BRINP3: variants seen among roughly 807,000 people sequenced by gnomAD.
BRINP3 encodes BMP/retinoic acid inducible neural specific 3.
In BRINP3, 19 loss-of-function variants were observed where a neutral mutation model predicts 71.0. That is an observed-to-expected ratio of 0.27 (90% CI 0.19 to 0.39). The LOEUF (loss-of-function observed/expected upper bound fraction) is 0.39. Among genes scored for constraint, BRINP3 ranks in the 10% least tolerant of loss-of-function variants. BRINP3 has a pLI of 1.00. For synonymous variants in BRINP3, 380 were observed against 337.7 expected (o/e 1.13, Z -1.37); for missense variants, 959 against 940.8 (o/e 1.02, Z -0.25).
Position 190,173,605 on chromosome 1 carries a change from T to C in BRINP3, c.962-12715A>G, listed in dbSNP as rs112459986. On this transcript the variant is annotated intron_variant, in intron 6 of 7. Transcript: ENST00000367462. ...AGTCTTTAAAGCAATAATTCCTAAA[T>C]TGCTTATCTCAAGAACCCTTTACAT... Among the ~76,000 whole-genome samples, 540 of 152,274 alleles carry C rather than the reference T, an allele frequency of 3.5e-3. 4 individuals are homozygous for C. Among genetic ancestry groups the C allele is most frequent in the African/African-American group, 0.012 (512 of 41,558 alleles).
Position 190,360,284 on chromosome 1 carries a change from C to A in BRINP3, c.237-78534G>T, listed in dbSNP as rs1033747944. Among the ~76,000 whole-genome samples, 6 of 152,080 alleles carry A rather than the reference C, an allele frequency of 3.9e-5. No individual in the cohort carries two copies. In the East Asian group the frequency reaches 1.2e-3, roughly 29 times the overall value. Reference sequence around the variant, plus strand: ...ATTAGAGAAACTGCATAATTATTGTCCAAACCAGAATACTTTTGATATTGA... The same window carrying A: ...ATTAGAGAAACTGCATAATTATTGTACAAACCAGAATACTTTTGATATTGA... On this transcript the variant is annotated intron_variant, in intron 2 of 7. Coordinates refer to ENST00000367462, the MANE Select transcript of BRINP3 (RefSeq NM_199051.3).
At chr1:190,460,089 A>G (rs1676284005) in intron 1 of BRINP3, among the ~76,000 whole-genome samples, 1 of 151,970 alleles carries the variant, frequency 6.6e-6, no homozygotes, top group Admixed American at 6.6e-5. Flanking sequence ...ATAGTTTCTT[A>G]ACATTAATGC....
intron 6 of BRINP3, among the ~76,000 whole-genome samples, chr1:190,183,261 G>T (rs1653190199): frequency 6.6e-6 from 1 of 151,254 alleles, no homozygotes; most frequent in African/African-American, 2.4e-5. Flanking sequence ...GAGATGTTTT[G>T]GTATTTCATG....
chr1:190,099,927 A>G (rs1050079938), intron 7 of BRINP3, among the ~76,000 whole-genome samples: 2 of 152,162 alleles, frequency 1.3e-5, no homozygotes, highest in African/African-American at 2.4e-5. Context: ...ATTTTCTCGC[A>G]TTATTTAAAC....
At chr1:190,364,198 T>A (rs1440732192) in intron 2 of BRINP3, among the ~76,000 whole-genome samples, 1 of 152,096 alleles carries the variant, frequency 6.6e-6, no homozygotes, top group Admixed American at 6.6e-5. Flanking sequence ...TTTAATAATG[T>A]AAGATTTGTG....
intron 2 of BRINP3, among the ~76,000 whole-genome samples, chr1:190,322,157 G>A (rs1276332670): frequency 2.0e-5 from 3 of 151,918 alleles, no homozygotes; most frequent in East Asian, 1.9e-4. Context: ...TCAAAAAGCT[G>A]AAGAATATGG....
At chr1:190,340,705 T>TGCAGACACCTCCCTTTATG (rs1667599646) in intron 2 of BRINP3, among the ~76,000 whole-genome samples, 2 of 151,494 alleles carry the variant, frequency 1.3e-5, no homozygotes, top group East Asian at 4.0e-4. Context: ...GAACCTTTCT[T>TGCAGACACCTCCCTTTATG]ATGAATGAGA....
At chr1:190,309,954 A>G (rs919085954) in intron 2 of BRINP3, among the ~76,000 whole-genome samples, 6 of 151,700 alleles carry the variant, frequency 4.0e-5, no homozygotes, top group African/African-American at 1.4e-4. Context: ...GGAAACTTCA[A>G]TTACCAGATT....
chr1:190,332,465 T>C lies in BRINP3; in HGVS notation c.237-50715A>G, dbSNP rs1303393511. Among the ~76,000 whole-genome samples, 5 of 152,158 alleles carry C rather than the reference T, an allele frequency of 3.3e-5. No individual in the cohort carries two copies. In the South Asian group the frequency reaches 1.0e-3, roughly 32 times the overall value. ...AACTTCCCCAAGTATTCTACATGTA[T>C]GGATTTCAAATACCTGTTCACCTTT... On this transcript the variant is annotated intron_variant, in intron 2 of 7. Coordinates refer to ENST00000367462, the MANE Select transcript of BRINP3 (RefSeq NM_199051.3).
Position 190,440,866 on chromosome 1 carries a change from G to T in BRINP3, c.236+13789C>A, listed in dbSNP as rs568106852. Among the ~76,000 whole-genome samples the T allele has an allele frequency of 2.0e-5, 3 of 152,008 alleles. No individual in the cohort carries two copies. The South Asian group carries it at 6.2e-4, about 32-fold the overall frequency. On this transcript the variant is annotated intron_variant, in intron 2 of 7. Transcript: ENST00000367462. ...AAAGTCACAACCTAAGTAAACATTT[G>T]CAAAGTACTGATGAGAAAACAATTC...
intron 7 of BRINP3, among the ~76,000 whole-genome samples, chr1:190,138,823 AAAAATGAGG>A (rs1416190606): frequency 2.0e-5 from 3 of 152,186 alleles, no homozygotes; most frequent in African/African-American, 7.2e-5. Context: ...GACTTAGTAC[AAAAATGAGG>A]AAGATGCTGA....
At chr1:190,407,988 A>G (rs1459021050) in intron 2 of BRINP3, among the ~76,000 whole-genome samples, 1 of 144,990 alleles carries the variant, frequency 6.9e-6, no homozygotes, top group African/African-American at 2.5e-5. Context: ...TTTCTTTTCT[A>G]CATTTGATGT....
intron 7 of BRINP3, among the ~76,000 whole-genome samples, chr1:190,148,747 T>C (rs1258424830): frequency 6.6e-6 from 1 of 152,160 alleles, no homozygotes; most frequent in African/African-American, 2.4e-5. Flanking sequence ...TATTTTAGTT[T>C]TAAATTTAGT....
chr1:190,119,689 T>C (rs764448859), intron 7 of BRINP3, among the ~76,000 whole-genome samples: 16 of 152,248 alleles, frequency 1.1e-4, no homozygotes, highest in Admixed American at 3.9e-4. Flanking sequence ...TAAGGCATTT[T>C]ATTCAGAAAA....
chr1:190,130,512 A>T (rs1243222411), intron 7 of BRINP3, among the ~76,000 whole-genome samples: 1 of 152,000 alleles, frequency 6.6e-6, no homozygotes, highest in Non-Finnish European at 1.5e-5. Context: ...CAAGGAAGAG[A>T]GTCCTTCTGC....
chr1:190,194,339 A>G (rs890783151), intron 6 of BRINP3, among the ~76,000 whole-genome samples: 10 of 151,976 alleles, frequency 6.6e-5, no homozygotes, highest in African/African-American at 1.9e-4. Context: ...GGCCCCCAGA[A>G]TTGTGAAAAA....
intron 6 of BRINP3, among the ~76,000 whole-genome samples, chr1:190,207,909 A>G (rs958804212): frequency 1.3e-5 from 2 of 152,094 alleles, no homozygotes; most frequent in Non-Finnish European, 2.9e-5. Flanking sequence ...CATCTTGTAT[A>G]GAGTTGAACT....
At chr1:190,100,214 C>A (rs1651582188) in intron 7 of BRINP3, among the ~76,000 whole-genome samples, 1 of 152,114 alleles carries the variant, frequency 6.6e-6, no homozygotes, top group Non-Finnish European at 1.5e-5. Flanking sequence ...ACAACAATTC[C>A]ATTTTTGGTA....
intron 2 of BRINP3, among the ~76,000 whole-genome samples, chr1:190,323,057 C>A (rs775147525): frequency 4.6e-5 from 7 of 151,934 alleles, no homozygotes; most frequent in Non-Finnish European, 8.8e-5. Flanking sequence ...GTAGGCTACA[C>A]CAAAAGCTTC....
Sources: allele counts gnomAD v4.1 joint callset (sites outside exome capture counted in the v4.1 genomes callset), GRCh38; gene constraint gnomAD v4.1.1; transcripts MANE v1.5; gene names NCBI Gene and HGNC (gene_info 2026-07-23, HGNC 2026-07-21).